The following DLC1 variants were observed in gnomAD, a reference collection of about 807,000 sequenced individuals.
DLC1 encodes the protein rho GTPase-activating protein 7.
In DLC1, 54 loss-of-function variants were observed where a neutral mutation model predicts 140.3. The ratio of observed to expected loss-of-function variants is 0.38; its 90% CI spans 0.31 to 0.48. The LOEUF (loss-of-function observed/expected upper bound fraction) is 0.48. Among genes scored for constraint, DLC1 ranks in the 20% least tolerant of loss-of-function variants. The pLI, the probability that DLC1 is intolerant of heterozygous loss-of-function variation, is 0.96. For synonymous variants in DLC1, 986 were observed against 728.1 expected (o/e 1.35, Z -5.70); for missense variants, 2,536 against 1,907.0 (o/e 1.33, Z -6.14).
chr8:13,566,824 A>G, intron 1 of DLC1: 1 of 875,276 alleles, frequency 1.1e-6, no homozygotes, highest in Non-Finnish European at 1.7e-6. Context: ...GTCACTGCGC[A>G]TGAGCGGCCC....
intron 1 of DLC1, among the ~76,000 whole-genome samples, chr8:13,525,662 T>C (rs1802899085): frequency 6.6e-6 from 1 of 152,208 alleles, no homozygotes; most frequent in Non-Finnish European, 1.5e-5. Flanking sequence ...GTTTTGTCCA[T>C]TTTCCAAAAT....
chr8:13,189,033 C>A (rs1162060758), intron 5 of DLC1, among the ~76,000 whole-genome samples: 1 of 151,228 alleles, frequency 6.6e-6, no homozygotes, highest in Non-Finnish European at 1.5e-5. Context: ...ATGGACCAAG[C>A]CTTTTCTCAA....
intron 4 of DLC1, among the ~76,000 whole-genome samples, chr8:13,347,523 T>C (rs1834405654): frequency 6.6e-6 from 1 of 152,168 alleles, no homozygotes; most frequent in African/African-American, 2.4e-5. Flanking sequence ...ATACAGCCCA[T>C]TCCATATAAT....
intron 5 of DLC1, among the ~76,000 whole-genome samples, chr8:13,174,364 C>T (rs1182781915): frequency 6.6e-6 from 1 of 152,116 alleles, no homozygotes; most frequent in East Asian, 1.9e-4. Flanking sequence ...GATTTATTTT[C>T]CTCTGGGTAT....
At chr8:13,246,705 TG>T (rs564603421) in intron 5 of DLC1, among the ~76,000 whole-genome samples, 78 of 152,226 alleles carry the variant, frequency 5.1e-4, no homozygotes, top group African/African-American at 1.7e-3. Context: ...GACACCCACT[TG>T]CATGCCATTG....
chr8:13,298,300 C>A (rs912828610), intron 5 of DLC1, among the ~76,000 whole-genome samples: 6 of 152,176 alleles, frequency 3.9e-5, no homozygotes, highest in African/African-American at 1.2e-4. Context: ...CCCCTTTACA[C>A]GTTTCTGTGG....
chr8:13,450,451 T>TGAAA (rs1798987153), intron 2 of DLC1, among the ~76,000 whole-genome samples: 1 of 23,452 alleles, frequency 4.3e-5, no homozygotes, highest in Non-Finnish European at 7.9e-5. Context: ...TGAGACTGTC[T>TGAAA]CAAAAAAAAA....
At chr8:13,359,025 G>A (rs1017987085) in intron 4 of DLC1, among the ~76,000 whole-genome samples, 33 of 152,214 alleles carry the variant, frequency 2.2e-4, no homozygotes, top group African/African-American at 7.9e-4. Flanking sequence ...TGCAAGCTCC[G>A]CGTCCCGGGT....
At chr8:13,395,994 A>C (rs1837023977) in intron 3 of DLC1, among the ~76,000 whole-genome samples, 1 of 152,080 alleles carries the variant, frequency 6.6e-6, no homozygotes, top group Non-Finnish European at 1.5e-5. Context: ...AGTAGCAGGT[A>C]ATTTATAAGC....
chr8:13,341,200 CAAAAAGAAGA>C (rs897396666), intron 4 of DLC1: 26 of 152,048 alleles, frequency 1.7e-4, no homozygotes, highest in Admixed American at 1.6e-3. Context: ...ATAACAAAGA[CAAAAAGAAGA>C]GAAAAGAAAG....
chr8:13,095,261 G>A lies in DLC1; in HGVS notation c.3168-16C>T. On this transcript the variant is annotated splice_polypyrimidine_tract_variant and intron_variant, in intron 10 of 17. Transcript: ENST00000276297. ...GGGCACGGCCCTGTTAAAGAACACAGAGATGGTGGTGTTGGCGGAGACATG... is the reference window on the plus strand; with the variant it reads ...GGGCACGGCCCTGTTAAAGAACACAAAGATGGTGGTGTTGGCGGAGACATG... The A allele has an allele frequency of 6.2e-7, 1 of 1,614,162 alleles. No homozygotes were observed. The highest frequency in any genetic ancestry group is 2.2e-5 in the East Asian group (1 of 44,882).
chr8:13,589,380 G>A (rs907293004), intron 1 of DLC1, among the ~76,000 whole-genome samples: 1 of 152,084 alleles, frequency 6.6e-6, no homozygotes, highest in African/African-American at 2.4e-5. Flanking sequence ...GGCACAATGA[G>A]TCTCCATTTC....
intron 4 of DLC1, among the ~76,000 whole-genome samples, chr8:13,319,759 C>G (rs1833013577): frequency 6.8e-6 from 1 of 148,140 alleles, no homozygotes; most frequent in South Asian, 2.2e-4. Flanking sequence ...AGTGCAAGAG[C>G]GGATTAATAC....
At chr8:13,171,850 A>G (rs1296088080) in intron 5 of DLC1, among the ~76,000 whole-genome samples, 1 of 152,186 alleles carries the variant, frequency 6.6e-6, no homozygotes. Flanking sequence ...GCAATGCCCC[A>G]GGTGAGGGTC....
intron 4 of DLC1, among the ~76,000 whole-genome samples, chr8:13,369,913 T>TA (rs71207148): frequency 0.63 from 88,561 of 141,314 alleles, 28,006 homozygotes; most frequent in East Asian, 0.83. Flanking sequence ...ATTTAAAACT[T>TA]AAAAAAAAAA....
chr8:13,311,799 C>T (rs1832672340), intron 4 of DLC1, among the ~76,000 whole-genome samples: 1 of 152,196 alleles, frequency 6.6e-6, no homozygotes, highest in East Asian at 1.9e-4. Context: ...TTATCTTTAG[C>T]AGAAATGAGA....
At chr8:13,462,686 G>A (rs954378535) in intron 2 of DLC1, among the ~76,000 whole-genome samples, 2 of 152,124 alleles carry the variant, frequency 1.3e-5, no homozygotes, top group Admixed American at 6.5e-5. Flanking sequence ...GATTACAGGC[G>A]TGAGCCACCG....
At chr8:13,434,969 C>A (rs76939408) in intron 2 of DLC1, among the ~76,000 whole-genome samples, 11 of 152,060 alleles carry the variant, frequency 7.2e-5, no homozygotes, top group South Asian at 6.2e-4. Flanking sequence ...CGTGACCCCC[C>A]CCGGCTCACC....
intron 5 of DLC1, among the ~76,000 whole-genome samples, chr8:13,184,028 C>T (rs181712324): frequency 4.5e-4 from 68 of 152,282 alleles, no homozygotes; most frequent in African/African-American, 1.2e-3. Flanking sequence ...TCAACTTCTT[C>T]CCAGTTTAGT....
Sources: gnomAD v4.1 joint callset for allele counts (sites outside exome capture counted in the v4.1 genomes callset) on GRCh38, gnomAD v4.1.1 for gene constraint, MANE v1.5 for transcripts, NCBI Gene and HGNC (gene_info 2026-07-23, HGNC 2026-07-21) for gene names.